Variants in PDE10A observed in about 807,000 individuals in gnomAD.
PDE10A encodes the protein cAMP and cAMP-inhibited cGMP 3',5'-cyclic phosphodiesterase 10A.
PDE10A carries 39 observed loss-of-function variants against 97.7 expected under a neutral mutation model. The observed-to-expected ratio is 0.40, with a 90% CI of 0.31 to 0.52. The LOEUF is 0.52. Ranked by LOEUF, PDE10A falls within the 20% of genes least tolerant of loss-of-function variation. The probability of loss-of-function intolerance (pLI) is 0.56; values close to 1 mark genes in which losing one functional copy is unlikely to be tolerated. For missense variants in PDE10A, 731 were observed against 1,047.8 expected, an observed-to-expected ratio of 0.70 and a Z score of 4.17; for synonymous variants, 371 against 376.8, an observed-to-expected ratio of 0.98 and a Z score of 0.18.
chr6:165,625,917 C>A (rs535529330), intron 1 of PDE10A, among the ~76,000 whole-genome samples: 6 of 152,142 alleles, frequency 3.9e-5, no homozygotes, highest in South Asian at 2.1e-4. Context: ...ATATATGATT[C>A]GTTGCGTTCG....
chr6:165,641,614 T>C (rs955093612), intron 1 of PDE10A, among the ~76,000 whole-genome samples: 1 of 152,174 alleles, frequency 6.6e-6, no homozygotes, highest in Admixed American at 6.5e-5. Flanking sequence ...CAGCTAATAT[T>C]GGCAAATATT....
At chr6:165,849,569 C>T (rs1198017637) in intron 1 of PDE10A, among the ~76,000 whole-genome samples, 1 of 152,182 alleles carries the variant, frequency 6.6e-6, no homozygotes, top group Non-Finnish European at 1.5e-5. Context: ...AAAAACGCAC[C>T]TCATGTATTC....
At chr6:165,594,154 C>G (rs1583609005) in intron 1 of PDE10A, among the ~76,000 whole-genome samples, 1 of 152,268 alleles carries the variant, frequency 6.6e-6, no homozygotes, top group Middle Eastern at 3.4e-3. Context: ...ATGAGCACAT[C>G]TAGTGCTCAG....
chr6:165,963,132 T>G (rs697466), intron 1 of PDE10A, among the ~76,000 whole-genome samples: 81,193 of 152,008 alleles, frequency 0.53, 22,338 homozygotes, highest in Middle Eastern at 0.64. Flanking sequence ...GAAATAAAAA[T>G]TTTTCAAGAC....
At position 165,482,355 on chromosome 6, in the gene PDE10A, G is replaced by C; in HGVS notation, c.995-12C>G. The C allele has an allele frequency of 6.3e-7, 1 of 1,597,112 alleles. No homozygotes were observed. The highest frequency in any genetic ancestry group is 8.6e-7 in the Non-Finnish European group (1 of 1,164,810). ...AGGAGCTGATTCATCTGGGGATAGA[G>C]AAGGAAGAGGGAAAAACACAATTAG... On this transcript the variant is annotated splice_polypyrimidine_tract_variant and intron_variant, in intron 2 of 21. Transcript: ENST00000539869.
At chr6:165,339,643 G>T (rs953312647) in intron 19 of PDE10A, among the ~76,000 whole-genome samples, 1 of 152,142 alleles carries the variant, frequency 6.6e-6, no homozygotes, top group Non-Finnish European at 1.5e-5. Flanking sequence ...AGGAGATACA[G>T]TAAACAGTGA....
At chr6:165,987,895 C>G (rs1178993845) in exon 1 of PDE10A, 1 of 376,622 alleles carries the variant, frequency 2.7e-6, no homozygotes, top group Non-Finnish European at 5.2e-6. Context: ...GAAGACCAGT[C>G]CATCTCAGCT....
intron 2 of PDE10A, among the ~76,000 whole-genome samples, chr6:165,483,504 T>C (rs1468474309): frequency 2.0e-5 from 3 of 152,216 alleles, no homozygotes; most frequent in East Asian, 1.9e-4. Flanking sequence ...AAATATTTCA[T>C]TTACTCTTCA....
chr6:165,935,701 G>C (rs1367646774), intron 1 of PDE10A, among the ~76,000 whole-genome samples: 1 of 152,206 alleles, frequency 6.6e-6, no homozygotes, highest in Non-Finnish European at 1.5e-5. Flanking sequence ...GAGGTGATTA[G>C]GTCATGAGGG....
At chr6:165,620,687 A>G (rs1017552251) in intron 1 of PDE10A, among the ~76,000 whole-genome samples, 1 of 152,172 alleles carries the variant, frequency 6.6e-6, no homozygotes, top group African/African-American at 2.4e-5. Context: ...TCTGGACTCT[A>G]CCTTTGGTTC....
At chr6:165,757,251 C>A (rs760477272) in intron 1 of PDE10A, among the ~76,000 whole-genome samples, 1 of 152,150 alleles carries the variant, frequency 6.6e-6, no homozygotes, top group African/African-American at 2.4e-5. Context: ...AGGTGAGCAC[C>A]GTGCCCAGCC....
At chr6:165,461,844 C>A (rs1778347676) in intron 3 of PDE10A, among the ~76,000 whole-genome samples, 1 of 152,238 alleles carries the variant, frequency 6.6e-6, no homozygotes, top group South Asian at 2.1e-4. Flanking sequence ...AAAATATTAT[C>A]CAACGATGCC....
At chr6:165,417,338 G>C (rs1030052279) in intron 11 of PDE10A, among the ~76,000 whole-genome samples, 1 of 152,102 alleles carries the variant, frequency 6.6e-6, no homozygotes, top group South Asian at 2.1e-4. Context: ...GCGTTGGTCT[G>C]AGAGCAGTCT....
intron 1 of PDE10A, among the ~76,000 whole-genome samples, chr6:165,761,166 T>C (rs116760528): frequency 0.013 from 1,940 of 152,308 alleles, 39 homozygotes; most frequent in African/African-American, 0.039. Context: ...TCTTTCCTTT[T>C]CTTTTCTCCC....
chr6:165,333,419 C>A (rs1781456443), intron 21 of PDE10A, among the ~76,000 whole-genome samples: 1 of 152,132 alleles, frequency 6.6e-6, no homozygotes, highest in Non-Finnish European at 1.5e-5. Flanking sequence ...GAAGGATTAA[C>A]TTGAACAGGG....
At chr6:165,644,438 G>A (rs1028395824) in intron 1 of PDE10A, among the ~76,000 whole-genome samples, 1 of 152,184 alleles carries the variant, frequency 6.6e-6, no homozygotes, top group African/African-American at 2.4e-5. Context: ...GGAAGTGGGT[G>A]TGCCCATAGG....
intron 1 of PDE10A, among the ~76,000 whole-genome samples, chr6:165,809,059 GA>G (rs1339050151): frequency 2.0e-5 from 3 of 152,158 alleles, no homozygotes; most frequent in Non-Finnish European, 4.4e-5. Flanking sequence ...ACAGACTTTT[GA>G]AACACATTGT....
chr6:165,620,764 G>GGTGCAGGGGCTCATGCCT (rs369808830), intron 1 of PDE10A, among the ~76,000 whole-genome samples: 1 of 151,872 alleles, frequency 6.6e-6, no homozygotes, highest in Non-Finnish European at 1.5e-5. Context: ...GAGAAGGCTG[G>GGTGCAGGGGCTCATGCCT]GTAATCCCAA....
At chr6:165,535,130 G>C (rs1783002709) in intron 2 of PDE10A, among the ~76,000 whole-genome samples, 1 of 151,918 alleles carries the variant, frequency 6.6e-6, no homozygotes, top group South Asian at 2.1e-4. Flanking sequence ...ATAATCTGTA[G>C]CATTTCTATA....
Sources: gnomAD v4.1 joint callset for allele counts (sites outside exome capture counted in the v4.1 genomes callset) on GRCh38, gnomAD v4.1.1 for gene constraint, MANE v1.5 for transcripts, NCBI Gene and HGNC (gene_info 2026-07-23, HGNC 2026-07-21) for gene names.